UGT1A10: variants seen among roughly 807,000 people sequenced by gnomAD.
The protein encoded by UGT1A10 is UDP glucuronosyltransferase family 1 member A10.
UGT1A10 carries 49 observed loss-of-function variants against 45.8 expected under a neutral mutation model. The observed-to-expected ratio is 1.07, with a 90% CI of 0.85 to 1.36. The LOEUF is 1.36. Ranked by LOEUF, UGT1A10 falls within the 40% of genes most tolerant of loss-of-function variation. The pLI, the probability that UGT1A10 is intolerant of heterozygous loss-of-function variation, is 0.00. For synonymous variants in UGT1A10, 284 were observed against 249.7 expected (o/e 1.14, Z -1.29); for missense variants, 745 against 668.6 (o/e 1.11, Z -1.26).
chr2:233,738,808 A>G (rs1190321536), intron 1 of UGT1A10: 3 of 152,254 alleles, frequency 2.0e-5, no homozygotes, highest in South Asian at 4.1e-4. Flanking sequence ...TACTAGCTAA[A>G]GAAATTTGAA....
rs2073301599 is a variant in UGT1A10, at chr2:233,636,751, TACTC to T, written c.231_234del (p.Tyr77Ter). The T allele has an allele frequency of 6.2e-7, 1 of 1,614,072 alleles. No individual in the cohort carries two copies. Among genetic ancestry groups the T allele is most frequent in the South Asian group, 1.1e-5 (1 of 91,086 alleles). Reference sequence around the variant, plus strand: ...ATCACTGAATTGCACAGTGAAGACTTACTCAACCTCGTACACTCTGGAAGATCAG... The same window carrying T: ...ATCACTGAATTGCACAGTGAAGACTTAACCTCGTACACTCTGGAAGATCAG... On this transcript the variant is annotated frameshift_variant, in exon 1 of 5. Transcript: ENST00000344644. LOFTEE classifies it high-confidence loss of function.
Position 233,730,003 on chromosome 2 carries a change from G to C in UGT1A10, c.856-37031G>C, listed in dbSNP as rs2077967778. The C allele has an allele frequency of 2.5e-6, 4 of 1,613,818 alleles. No individual in the cohort carries two copies. The South Asian group carries it at 3.3e-5, about 13-fold the overall frequency. On this transcript the variant is annotated intron_variant, in intron 1 of 4. Coordinates refer to ENST00000344644, the MANE Select transcript of UGT1A10 (RefSeq NM_019075.4). ...GAAGCCACTATCTCAGGTCTGTATT[G>C]GTGCCTTCATCCAATCAATGTTCCA... is the stretch of plus-strand genomic sequence containing the variant.
At chr2:233,652,155 A>G (rs998554853) in intron 1 of UGT1A10, among the ~76,000 whole-genome samples, 5 of 152,180 alleles carry the variant, frequency 3.3e-5, no homozygotes, top group African/African-American at 1.2e-4. Context: ...ACAGCAAGAA[A>G]AGATCTGGGC....
At chr2:233,724,990 G>T (rs1408301840) in intron 1 of UGT1A10, among the ~76,000 whole-genome samples, 1 of 144,142 alleles carries the variant, frequency 6.9e-6, no homozygotes, top group Non-Finnish European at 1.5e-5. Context: ...CGCGGTTAGG[G>T]GCTGGAGACC....
At position 233,683,033 on chromosome 2, in the gene UGT1A10, T is replaced by C. The variant is rs559637342; in HGVS notation, c.855+45656T>C. 2.6e-4 allele frequency among the ~76,000 whole-genome samples: 39 copies of C among 152,264 alleles called. 1 individual carries two copies. The highest frequency in any genetic ancestry group is 9.1e-4 in the African/African-American group (38 of 41,556). ...GATCATATCTAGGCTGCAATCTAAA[T>C]GCTATTTTTGGAAAAATACAAAAAA... On this transcript the variant is annotated intron_variant, in intron 1 of 4. Transcript: ENST00000344644.
rs997006332 is a variant in UGT1A10, at chr2:233,773,053, G to C, written c.*494G>C. 2 of 178,736 alleles carry C rather than the reference G, an allele frequency of 1.1e-5. No individual in the cohort carries two copies. The highest frequency in any genetic ancestry group is 4.8e-5 in the African/African-American group (2 of 42,000). The allele number at this position is 178,736 out of a possible 1,614,324, so 11.1% of individuals were successfully genotyped here. ...AAAGAAGGGAAGCTTTGTACCTTTA[G>C]AGTGTAGGTGAAATGAATGAATGGC... On this transcript the variant is annotated 3_prime_UTR_variant, in exon 5 of 5. Coordinates refer to ENST00000344644, the MANE Select transcript of UGT1A10 (RefSeq NM_019075.4).
At chr2:233,737,721 C>CA (rs1559381748) in intron 1 of UGT1A10, among the ~76,000 whole-genome samples, 2 of 151,324 alleles carry the variant, frequency 1.3e-5, no homozygotes, top group Non-Finnish European at 3.0e-5. Flanking sequence ...CCAACACCTC[C>CA]TTTTTTTTTC....
chr2:233,769,558 G>A lies in UGT1A10; in HGVS notation c.1295+1119G>A. On this transcript the variant is annotated intron_variant, in intron 4 of 4. Coordinates refer to ENST00000344644, the MANE Select transcript of UGT1A10 (RefSeq NM_019075.4). This position sits in a 1 kb window ranked among gnomAD's most constrained non-coding sequence, Gnocchi z 4.4. ...AGAAGCAGCAGTCAGGAAGACAGAT[G>A]TGAAGAGCTGGAGCATGTTCAGATG... 2 of 1,612,872 alleles carry A rather than the reference G, an allele frequency of 1.2e-6. No individual in the cohort carries two copies. The highest frequency in any genetic ancestry group is 1.7e-6 in the Non-Finnish European group (2 of 1,179,832).
At chr2:233,639,088 C>T (rs2073380799) in intron 1 of UGT1A10, among the ~76,000 whole-genome samples, 1 of 152,012 alleles carries the variant, frequency 6.6e-6, no homozygotes, top group African/African-American at 2.4e-5. Context: ...ACCTAGAGGC[C>T]TTTAAAGATA....
At chr2:233,660,956 T>C (rs1228490777) in intron 1 of UGT1A10, among the ~76,000 whole-genome samples, 1 of 152,148 alleles carries the variant, frequency 6.6e-6, no homozygotes, top group Non-Finnish European at 1.5e-5. Context: ...TCTCCAGCTT[T>C]ATATCCTTCA....
intron 1 of UGT1A10, among the ~76,000 whole-genome samples, chr2:233,759,599 A>ACCCCCCCCCCC (rs1553620419): frequency 8.2e-4 from 89 of 108,630 alleles, no homozygotes; most frequent in African/African-American, 1.6e-3. Context: ...CCCACCCCCG[A>ACCCCCCCCCCC]CCCGCCCCAC....
At chr2:233,677,522 A>C (rs1213287433) in intron 1 of UGT1A10, among the ~76,000 whole-genome samples, 1 of 152,220 alleles carries the variant, frequency 6.6e-6, no homozygotes, top group African/African-American at 2.4e-5. Flanking sequence ...TATTATGACA[A>C]TGCAGCTAGC....
intron 1 of UGT1A10, among the ~76,000 whole-genome samples, chr2:233,762,453 A>T (rs1302924421): frequency 6.6e-6 from 1 of 152,204 alleles, no homozygotes; most frequent in Non-Finnish European, 1.5e-5. Flanking sequence ...CTGCCCACTT[A>T]CCGATAATGT....
chr2:233,682,295 T>C, intron 1 of UGT1A10: 1 of 1,614,178 alleles, frequency 6.2e-7, no homozygotes, highest in Non-Finnish European at 8.5e-7. Context: ...TTTTGACTTA[T>C]TTTTTTCAAA....
rs139693283 is a variant in UGT1A10 at position 233,697,582 on chromosome 2, T to C, written c.855+60205T>C. Among the ~76,000 whole-genome samples the C allele has an allele frequency of 3.1e-3, 475 of 152,066 alleles. 2 individuals are homozygous for C. Among genetic ancestry groups the C allele is most frequent in the Non-Finnish European group, 6.0e-3 (406 of 67,942 alleles). On this transcript the variant is annotated intron_variant, in intron 1 of 4. Coordinates refer to ENST00000344644, the MANE Select transcript of UGT1A10 (RefSeq NM_019075.4). ...GCCTCAATTTAATTTATTTTTTCCC[T>C]GATCTTTATTATTTCTTTCCTTCTA...
chr2:233,703,623 A>G (rs971419839), intron 1 of UGT1A10, among the ~76,000 whole-genome samples: 1 of 151,992 alleles, frequency 6.6e-6, no homozygotes, highest in Non-Finnish European at 1.5e-5. Flanking sequence ...AGTCTATTTT[A>G]TCTGATATTA....
intron 1 of UGT1A10, among the ~76,000 whole-genome samples, chr2:233,716,243 G>A (rs1481828829): frequency 2.0e-5 from 3 of 152,006 alleles, no homozygotes; most frequent in African/African-American, 4.8e-5. Flanking sequence ...TGTCCTGCCC[G>A]GACATCCAGC....
At chr2:233,686,962 G>A (rs1223921259) in intron 1 of UGT1A10, among the ~76,000 whole-genome samples, 1 of 152,160 alleles carries the variant, frequency 6.6e-6, no homozygotes, top group Non-Finnish European at 1.5e-5. Context: ...TAATTAATTA[G>A]CAAGGCAGGG....
At chr2:233,647,604 T>C (rs1247719475) in intron 1 of UGT1A10, among the ~76,000 whole-genome samples, 2 of 152,230 alleles carry the variant, frequency 1.3e-5, no homozygotes, top group Non-Finnish European at 2.9e-5. Context: ...AATTTCTTCT[T>C]GTGTAAAGTC....
Sources: gnomAD v4.1 joint callset for allele counts (sites outside exome capture counted in the v4.1 genomes callset) on GRCh38, gnomAD v4.1.1 for gene constraint, Gnocchi (gnomAD v3.1) non-coding constraint, MANE v1.5 for transcripts, NCBI Gene and HGNC (gene_info 2026-07-23, HGNC 2026-07-21) for gene names.